HRH1: variants seen among roughly 807,000 people sequenced by gnomAD.
The protein encoded by HRH1 is histamine H1 receptor.
Under a neutral mutation model 10.3 loss-of-function variants are expected in HRH1, and 6 were observed. The ratio of observed to expected loss-of-function variants is 0.58; its 90% CI spans 0.32 to 1.15. The LOEUF is 1.15. Ranked by LOEUF, HRH1 falls within the 50% of genes most tolerant of loss-of-function variation. The probability of loss-of-function intolerance (pLI) is 0.05; values close to 1 mark genes in which losing one functional copy is unlikely to be tolerated. For missense variants in HRH1, 514 were observed against 615.3 expected, an observed-to-expected ratio of 0.84 and a Z score of 1.74; for synonymous variants, 242 against 236.7, an observed-to-expected ratio of 1.02 and a Z score of -0.21.
In HRH1 at chr3:11,260,634, A is replaced by G; in HGVS notation, c.*133A>G. 1 of 784,854 alleles carries G rather than the reference A, an allele frequency of 1.3e-6. No individual in the cohort carries two copies. Among genetic ancestry groups the G allele is most frequent in the Non-Finnish European group, 2.1e-6 (1 of 476,024 alleles). 48.6% of individuals were successfully genotyped at this position (784,854 alleles called of 1,614,324 possible). ...CAAACCACAGTCTTAGGGGCTTGGT[A>G]GTTTGGAAAGTTCTTAGGCACCATA... On this transcript the variant is annotated 3_prime_UTR_variant, in exon 2 of 2. Coordinates refer to ENST00000431010, the MANE Select transcript of HRH1 (RefSeq NM_001098212.2).
intron 1 of HRH1, among the ~76,000 whole-genome samples, chr3:11,148,586 C>A (rs773591789): frequency 6.6e-6 from 1 of 151,660 alleles, no homozygotes; most frequent in Non-Finnish European, 1.5e-5. Context: ...AAATGGCTAC[C>A]GAAGCTCCAG....
intron 1 of HRH1, among the ~76,000 whole-genome samples, chr3:11,164,189 T>C (rs1936984385): frequency 6.6e-6 from 1 of 152,190 alleles, no homozygotes; most frequent in East Asian, 1.9e-4. Flanking sequence ...TAGAAAGGGA[T>C]GCTCCAGAAA....
At chr3:11,144,475 A>ATATATACATACATCTATAGG (rs1936381595) in intron 1 of HRH1, among the ~76,000 whole-genome samples, 1 of 59,136 alleles carries the variant, frequency 1.7e-5, no homozygotes, top group Admixed American at 1.9e-4. Context: ...ACATATAGAC[A>ATATATACATACATCTATAGG]TATATATACA....
At chr3:11,209,467 G>C (rs1938251196) in intron 1 of HRH1, among the ~76,000 whole-genome samples, 1 of 152,136 alleles carries the variant, frequency 6.6e-6, no homozygotes, top group Non-Finnish European at 1.5e-5. Flanking sequence ...CCTTTAGTTT[G>C]ATAATAAAAC....
intron 1 of HRH1, among the ~76,000 whole-genome samples, chr3:11,137,569 G>A (rs1936205603): frequency 6.6e-6 from 1 of 152,126 alleles, no homozygotes; most frequent in Non-Finnish European, 1.5e-5. Context: ...GGGCTGTGGT[G>A]ACTGATTGGA....
intron 1 of HRH1, among the ~76,000 whole-genome samples, chr3:11,143,186 G>C (rs1203081192): frequency 6.6e-6 from 1 of 152,100 alleles, no homozygotes; most frequent in African/African-American, 2.4e-5. Flanking sequence ...TTCTAAGTGG[G>C]GTGCTTCTAA....
intron 1 of HRH1, among the ~76,000 whole-genome samples, chr3:11,239,924 C>T (rs932166053): frequency 6.6e-6 from 1 of 151,770 alleles, no homozygotes; most frequent in Non-Finnish European, 1.5e-5. Context: ...CTTCTTGATA[C>T]ATCAGATATA....
chr3:11,194,357 G>A (rs1025780354), intron 1 of HRH1, among the ~76,000 whole-genome samples: 1 of 152,188 alleles, frequency 6.6e-6, no homozygotes, highest in Non-Finnish European at 1.5e-5. Flanking sequence ...CACCCTGTCT[G>A]TTGTGAGGAT....
chr3:11,243,846 G>A (rs773807248), intron 1 of HRH1, among the ~76,000 whole-genome samples: 1 of 152,202 alleles, frequency 6.6e-6, no homozygotes. Context: ...TACCTGCCTT[G>A]ATCTTATACC....
intron 1 of HRH1, among the ~76,000 whole-genome samples, chr3:11,224,473 G>A (rs925459719): frequency 1.3e-5 from 2 of 152,150 alleles, no homozygotes; most frequent in East Asian, 3.9e-4. Flanking sequence ...CGCGGCAGGC[G>A]GATCATGAGT....
intron 1 of HRH1, among the ~76,000 whole-genome samples, chr3:11,224,900 C>G (rs1325422958): frequency 6.6e-6 from 1 of 152,112 alleles, no homozygotes; most frequent in Non-Finnish European, 1.5e-5. Context: ...AATTCTTATC[C>G]TCGATAAATA....
chr3:11,159,147 A>T (rs6799880), intron 1 of HRH1, among the ~76,000 whole-genome samples: 1 of 151,820 alleles, frequency 6.6e-6, no homozygotes, highest in Non-Finnish European at 1.5e-5. Context: ...ACTTGGGGGA[A>T]TGAGGCAGGA....
chr3:11,224,949 G>A (rs1938834396), intron 1 of HRH1, among the ~76,000 whole-genome samples: 1 of 152,184 alleles, frequency 6.6e-6, no homozygotes, highest in Non-Finnish European at 1.5e-5. Context: ...AGGTGAAGAT[G>A]AGACAGAAGC....
At chr3:11,249,245 TA>T (rs922417518) in intron 1 of HRH1, among the ~76,000 whole-genome samples, 2 of 150,284 alleles carry the variant, frequency 1.3e-5, no homozygotes, top group African/African-American at 2.4e-5. Flanking sequence ...AAATAAAAAA[TA>T]AAAAAAATTA....
At chr3:11,146,925 G>C (rs1451583454) in intron 1 of HRH1, among the ~76,000 whole-genome samples, 1 of 152,154 alleles carries the variant, frequency 6.6e-6, no homozygotes, top group Non-Finnish European at 1.5e-5. Context: ...TGTGTGGATG[G>C]GTGGCCCCTC....
chr3:11,237,664 C>CTTTTTTTTTT (rs376450222), intron 1 of HRH1, among the ~76,000 whole-genome samples: 4 of 83,088 alleles, frequency 4.8e-5, no homozygotes, highest in African/African-American at 9.7e-5. Context: ...TTTTCTTTTC[C>CTTTTTTTTTT]TTTTTTTTTT....
At chr3:11,221,595 C>T (rs534417807) in intron 1 of HRH1, among the ~76,000 whole-genome samples, 40 of 151,864 alleles carry the variant, frequency 2.6e-4, no homozygotes, top group African/African-American at 7.7e-4. Context: ...ATAATACTTA[C>T]GAGTTTAACC....
chr3:11,146,778 T>G (rs1189302549), intron 1 of HRH1, among the ~76,000 whole-genome samples: 1 of 152,144 alleles, frequency 6.6e-6, no homozygotes, highest in Non-Finnish European at 1.5e-5. Context: ...CAGAAGAACC[T>G]CATATGTCTA....
upstream of HRH1, among the ~76,000 whole-genome samples, chr3:11,152,210 A>ATG (rs1285032917): frequency 6.6e-6 from 1 of 152,210 alleles, no homozygotes; most frequent in East Asian, 1.9e-4. Flanking sequence ...TGCATTATTT[A>ATG]TGTAAAGCTC....
Sources: gnomAD v4.1 joint callset for allele counts (sites outside exome capture counted in the v4.1 genomes callset) on GRCh38, gnomAD v4.1.1 for gene constraint, MANE v1.5 for transcripts, NCBI Gene and HGNC (gene_info 2026-07-23, HGNC 2026-07-21) for gene names.